The following STXBP2 variants were observed in gnomAD, a reference collection of about 807,000 sequenced individuals.
The protein encoded by STXBP2 is syntaxin-binding protein 2.
In STXBP2, 47 loss-of-function variants were observed where a neutral mutation model predicts 72.2. The observed-to-expected ratio is 0.65, with a 90% CI of 0.51 to 0.83. STXBP2 has a LOEUF of 0.83. Among genes scored for constraint, STXBP2 ranks in the 40% least tolerant of loss-of-function variants. STXBP2 has a pLI of 0.00. For synonymous variants in STXBP2, 367 were observed against 338.7 expected, an observed-to-expected ratio of 1.08 and a Z score of -0.92; for missense variants, 702 against 807.6, an observed-to-expected ratio of 0.87 and a Z score of 1.58.
At chr19:7,630,694 AG>A in the STXBP2 span, 1 of 1,532,632 alleles carries the variant, frequency 6.5e-7, no homozygotes, top group Non-Finnish European at 8.8e-7. Flanking sequence ...GGTTCATTCC[AG>A]GGGTGGGAGA....
the STXBP2 span, chr19:7,631,598 T>G: frequency 6.6e-7 from 1 of 1,511,892 alleles, no homozygotes; most frequent in African/African-American, 1.4e-5. Flanking sequence ...TGATGAAATA[T>G]ACATATACTC....
intron 16 of STXBP2, chr19:7,646,723 G>A: frequency 2.5e-6 from 1 of 394,658 alleles, no homozygotes; most frequent in Non-Finnish European, 4.7e-6. Flanking sequence ...CCCTCTAAGA[G>A]CCCCGGCCCC....
At chr19:7,640,576 A>C (rs778888577) in intron 4 of STXBP2, 155 bp from the exon 5 acceptor site, 1 of 891,798 alleles carries the variant, frequency 1.1e-6, no homozygotes, top group Non-Finnish European at 1.8e-6. Flanking sequence ...GCGTGTGCCC[A>C]TGTGGGTGCG....
chr19:7,644,853 C>T (rs1568470020), intron 14 of STXBP2, 101 bp downstream of exon 14: 8 of 1,564,902 alleles, frequency 5.1e-6, no homozygotes, highest in Middle Eastern at 1.7e-4. Flanking sequence ...GTCATTTGCA[C>T]TCACCGGGCT....
intron 4 of STXBP2, chr19:7,640,298 CTATG>C (rs373939523): frequency 6.2e-4 from 327 of 526,440 alleles, no homozygotes; most frequent in African/African-American, 3.9e-3. Flanking sequence ...GTGCATGTGT[CTATG>C]TATGTGTGTG....
chr19:7,636,792 A>C, upstream of STXBP2: 1 of 248,122 alleles, frequency 4.0e-6, no homozygotes, highest in South Asian at 1.7e-4. Flanking sequence ...GGTGGCATCG[A>C]GTGGGTGCCG....
At position 7,641,749 on chromosome 19, in the gene STXBP2, C is replaced by T; in HGVS notation, c.474C>T (p.Cys158=). The T allele has an allele frequency of 6.4e-7, 1 of 1,553,054 alleles. No homozygotes were observed. The highest frequency in any genetic ancestry group is 8.7e-7 in the Non-Finnish European group (1 of 1,148,424). The stretch of plus-strand genomic sequence containing the variant: ...CCCACAGCACCTACAACCTCTACTG[C>T]CCCTTCCGGGCAGAGGAGCGCACGC... The part of the protein sequence containing the change: ...DAPHSTYNLY[C]PFRAEERTRQ... Residue 158 remains cysteine, a synonymous_variant, in exon 7 of 19, where the codon TGC becomes TGT. Coordinates refer to ENST00000221283, the MANE Select transcript of STXBP2 (RefSeq NM_006949.4).
At chr19:7,640,012 CTGTG>C (rs377381360) in intron 4 of STXBP2, 11 of 666,116 alleles carry the variant, frequency 1.7e-5, no homozygotes, top group African/African-American at 1.5e-4. Flanking sequence ...ATGTATGTGT[CTGTG>C]TGCATGTGCA....
At chr19:7,644,444 G>A (rs2032046262) in intron 13 of STXBP2, 170 bp from the exon 14 acceptor site, 2 of 849,526 alleles carry the variant, frequency 2.4e-6, no homozygotes, top group Non-Finnish European at 3.7e-6. Flanking sequence ...AGCAGGGCCT[G>A]TGGAGAGACT....
At chr19:7,647,286 G>C in intron 17 of STXBP2, 39 bp downstream of exon 17, 1 of 1,611,310 alleles carries the variant, frequency 6.2e-7, no homozygotes, top group Non-Finnish European at 8.5e-7. Flanking sequence ...GCCTGGGTCT[G>C]TGTTAGGTGG....
In STXBP2 at chr19:7,642,183, T is replaced by C. The variant is rs1257162911; in HGVS notation, c.664-20T>C. The C allele has an allele frequency of 6.2e-7, 1 of 1,613,908 alleles. No homozygotes were observed. Among genetic ancestry groups the C allele is most frequent in the African/African-American group, 1.3e-5 (1 of 74,902 alleles). ...CGGCTCAGGGTCAGTGCCTCATTCCTGCCCTAAACCCCACCCCAGGGCCCA... is the reference window on the plus strand; with the variant it reads ...CGGCTCAGGGTCAGTGCCTCATTCCCGCCCTAAACCCCACCCCAGGGCCCA... On this transcript the variant is annotated intron_variant, in intron 8 of 18. Coordinates refer to ENST00000221283, the MANE Select transcript of STXBP2 (RefSeq NM_006949.4). This position sits in a 1 kb window ranked among gnomAD's most constrained non-coding sequence, Gnocchi z 6.0.
the STXBP2 span, chr19:7,630,705 A>T: frequency 1.3e-6 from 2 of 1,531,196 alleles, no homozygotes; most frequent in Admixed American, 2.0e-5. Context: ...GGGGTGGGAG[A>T]GGGTGTGGGG....
Position 7,644,678 on chromosome 19 carries a change from C to A in STXBP2, c.1172C>A (p.Pro391Gln), listed in dbSNP as rs539611010. 4 of 1,613,742 alleles carry A rather than the reference C, an allele frequency of 2.5e-6. No homozygotes were observed. Among genetic ancestry groups the A allele is most frequent in the East Asian group, 4.5e-5 (2 of 44,868 alleles). Residue 391 changes from proline (P) to glutamine (Q), a missense_variant, in exon 14 of 19, where the codon CCG becomes CAG. Pro to Gln is a moderately conservative substitution (Grantham distance 76). Coordinates refer to ENST00000221283, the MANE Select transcript of STXBP2 (RefSeq NM_006949.4). ...AAGGACTCCATGAAGCTGATCGTTC[C>A]GGTGCTGCTGGACGCGGCGGTGCCC... ...KIKDSMKLIV[P>Q]VLLDAAVPAY...
intron 4 of STXBP2, 151 bp downstream of exon 4, chr19:7,639,958 GTGCATCTGTGTA>G (rs1568464361): frequency 1.4e-5 from 12 of 833,686 alleles, no homozygotes; most frequent in East Asian, 8.1e-5. Flanking sequence ...GCATGTGTGT[GTGCATCTGTGTA>G]TGCATGTGTG....
At chr19:7,638,579 G>C (rs2031659051) in intron 1 of STXBP2, 147 bp from the exon 2 acceptor site, 5 of 805,826 alleles carry the variant, frequency 6.2e-6, no homozygotes, top group Non-Finnish European at 1.0e-5. Flanking sequence ...TTTAGCCTAG[G>C]TGACAGAGTG....
Position 7,642,905 on chromosome 19 carries a change from C to A in STXBP2, c.961-78C>A. ...GGGCGCAGGGCCACAGCCTGGATTT[C>A]GAGCCTGGACTGAGACCCAGGTGGG... On this transcript the variant is annotated intron_variant, in intron 11 of 18. Transcript: ENST00000221283. This position sits in a 1 kb window ranked among gnomAD's most constrained non-coding sequence, Gnocchi z 6.0. 1 of 1,612,872 alleles carries A rather than the reference C, an allele frequency of 6.2e-7. No homozygotes were observed. The highest frequency in any genetic ancestry group is 2.2e-5 in the East Asian group (1 of 44,874).
At chr19:7,633,038 C>G, upstream of STXBP2, 1 of 1,422,232 alleles carries the variant, frequency 7.0e-7, no homozygotes, top group Non-Finnish European at 9.2e-7. Flanking sequence ...CCCAGGGGCC[C>G]TGGCCAGCAG....
upstream of STXBP2, chr19:7,632,651 A>T: frequency 6.4e-7 from 1 of 1,559,366 alleles, no homozygotes; most frequent in South Asian, 1.1e-5. The surrounding 1 kb of genome is among the most constrained non-coding windows in gnomAD (Gnocchi z 5.2). Flanking sequence ...CCTCCAGATG[A>T]CCACTTGCCC....
At position 7,642,560 on chromosome 19, in the gene STXBP2, C is replaced by A. The variant is rs767827616; in HGVS notation, c.902+24C>A. ...AAGTGCGTGCACACGGGGACCGGAT[C>A]CCCCCCCCACCGCCCACTGTGGGCC... On this transcript the variant is annotated intron_variant, in intron 10 of 18. Coordinates refer to ENST00000221283, the MANE Select transcript of STXBP2 (RefSeq NM_006949.4). This position sits in a 1 kb window ranked among gnomAD's most constrained non-coding sequence, Gnocchi z 6.0. The A allele has an allele frequency of 2.6e-6, 4 of 1,523,326 alleles. No homozygotes were observed. Among genetic ancestry groups the A allele is most frequent in the Admixed American group, 3.6e-5 (2 of 55,986 alleles). The allele number at this position is 1,523,326 out of a possible 1,614,324, so 94.4% of individuals were successfully genotyped here.
Sources: allele counts gnomAD v4.1 joint callset, GRCh38; gene constraint gnomAD v4.1.1; non-coding constraint Gnocchi (gnomAD v3.1); transcripts MANE v1.5; gene names NCBI Gene and HGNC (gene_info 2026-07-23, HGNC 2026-07-21).